The following NUP205 variants were observed in gnomAD, a reference collection of about 807,000 sequenced individuals.
NUP205 encodes nucleoporin 205, also known as nuclear pore complex protein Nup205.
In NUP205, 76 loss-of-function variants were observed where a neutral mutation model predicts 253.8. That is an observed-to-expected ratio of 0.30 (90% CI 0.25 to 0.36). The LOEUF (loss-of-function observed/expected upper bound fraction) is 0.36, where lower values mean the gene tolerates loss of function less well. Among genes scored for constraint, NUP205 ranks in the 10% least tolerant of loss-of-function variants. The probability of loss-of-function intolerance (pLI) is 1.00; values close to 1 mark genes in which losing one functional copy is unlikely to be tolerated. For synonymous variants in NUP205, 832 were observed against 850.1 expected (o/e 0.98, Z 0.37); for missense variants, 2,162 against 2,425.5 (o/e 0.89, Z 2.28).
intron 13 of NUP205, among the ~76,000 whole-genome samples, chr7:135,596,132 C>G (rs113621446): frequency 0.042 from 6,421 of 152,040 alleles, 465 homozygotes; most frequent in African/African-American, 0.15. Flanking sequence ...CGGGGTTTCT[C>G]CATGTTGGTC....
intron 34 of NUP205, among the ~76,000 whole-genome samples, chr7:135,628,734 G>A (rs140840181): frequency 6.6e-6 from 1 of 152,172 alleles, no homozygotes; most frequent in African/African-American, 2.4e-5. Context: ...ACCTTGTATT[G>A]CTTTATTGTA....
intron 35 of NUP205, among the ~76,000 whole-genome samples, chr7:135,630,842 C>T (rs1440554166): frequency 1.3e-5 from 2 of 151,930 alleles, no homozygotes; most frequent in African/African-American, 4.8e-5. Context: ...AGGAGGATTA[C>T]TTGAGTTGGG....
intron 38 of NUP205, among the ~76,000 whole-genome samples, chr7:135,642,951 A>C (rs1380769140): frequency 6.6e-6 from 1 of 151,986 alleles, no homozygotes; most frequent in Non-Finnish European, 1.5e-5. Context: ...GCCAATGTGC[A>C]TCAGTCAGAT....
chr7:135,570,742 T>C lies in NUP205; in HGVS notation c.29-363T>C, dbSNP rs1222200698. 9.6e-5 allele frequency among the ~76,000 whole-genome samples: 9 copies of C among 93,342 alleles called. 1 individual carries two copies. Among genetic ancestry groups the C allele is most frequent in the African/African-American group, 3.5e-4 (8 of 23,020 alleles). The allele number at this position is 93,342 out of a possible 152,430, so 61.2% of individuals were successfully genotyped here. ...TAATTATATTTATATATTATATTAA[T>C]ATATTAATTATATTTATATATTATA... On this transcript the variant is annotated intron_variant, in intron 1 of 42. Transcript: ENST00000285968.
chr7:135,594,030 G>T (rs1793760471), intron 12 of NUP205, among the ~76,000 whole-genome samples: 1 of 152,034 alleles, frequency 6.6e-6, no homozygotes, highest in Non-Finnish European at 1.5e-5. Flanking sequence ...TAATTACCCT[G>T]ATTTGATCAT....
chr7:135,607,481 A>C, intron 22 of NUP205, 110 bp downstream of exon 22: 2 of 1,186,800 alleles, frequency 1.7e-6, no homozygotes, highest in Non-Finnish European at 2.3e-6. Context: ...AAATGAGTTC[A>C]TTTAGCAATT....
chr7:135,570,375 C>T lies in NUP205; in HGVS notation c.29-730C>T, dbSNP rs188679295. Among the ~76,000 whole-genome samples, 417 of 151,494 alleles carry T rather than the reference C, an allele frequency of 2.8e-3. 4 individuals carry two copies. Among genetic ancestry groups the T allele is most frequent in the Non-Finnish European group, 4.7e-3 (317 of 67,878 alleles). On this transcript the variant is annotated intron_variant, in intron 1 of 42. Transcript: ENST00000285968. ...GACTACATGTGCGCACCACCACACC[C>T]GGCTAATTTTTGTATTTTTAGTAGA...
chr7:135,600,821 C>A, intron 15 of NUP205, 49 bp from the exon 16 acceptor site: 1 of 1,106,074 alleles, frequency 9.0e-7, no homozygotes, highest in South Asian at 1.5e-5. Context: ...TGCAAGGCCA[C>A]CACCTTGGTC....
At chr7:135,563,856 G>A (rs1006944371) in intron 1 of NUP205, among the ~76,000 whole-genome samples, 3 of 151,914 alleles carry the variant, frequency 2.0e-5, no homozygotes, top group Non-Finnish European at 4.4e-5. Context: ...CTGGTGGTGC[G>A]CGTGCGCCTG....
intron 19 of NUP205, among the ~76,000 whole-genome samples, chr7:135,604,991 T>G (rs987494645): frequency 1.3e-5 from 2 of 152,184 alleles, no homozygotes; most frequent in African/African-American, 2.4e-5. Context: ...TTTTTTTTTC[T>G]TTATGAACAT....
chr7:135,561,360 AAAAC>A (rs1457184966), intron 1 of NUP205, among the ~76,000 whole-genome samples: 3 of 152,124 alleles, frequency 2.0e-5, no homozygotes, highest in African/African-American at 2.4e-5. Flanking sequence ...AAACAAACAA[AAAAC>A]AAACAAAAAA....
At chr7:135,564,572 G>T (rs1805694195) in intron 1 of NUP205, among the ~76,000 whole-genome samples, 1 of 151,104 alleles carries the variant, frequency 6.6e-6, no homozygotes, top group Non-Finnish European at 1.5e-5. Context: ...ATAGAGACAG[G>T]GTTTTGCCAT....
intron 7 of NUP205, among the ~76,000 whole-genome samples, chr7:135,579,621 ATT>A (rs1002019141): frequency 6.6e-6 from 1 of 152,146 alleles, no homozygotes; most frequent in Non-Finnish European, 1.5e-5. Context: ...CATACAGTGT[ATT>A]AAAAAGGAGA....
At chr7:135,601,595 A>C in intron 17 of NUP205, 88 bp downstream of exon 17, 1 of 1,398,084 alleles carries the variant, frequency 7.2e-7, no homozygotes, top group East Asian at 2.3e-5. Flanking sequence ...ATGATCTCTG[A>C]AGTCATTTTT....
intron 36 of NUP205, among the ~76,000 whole-genome samples, chr7:135,637,723 C>T (rs1794835840): frequency 6.6e-6 from 1 of 152,058 alleles, no homozygotes; most frequent in Non-Finnish European, 1.5e-5. Context: ...AAAAAGGGTA[C>T]TCTTTTCATC....
At chr7:135,623,068 A>G in intron 31 of NUP205, 143 bp downstream of exon 31, 1 of 736,988 alleles carries the variant, frequency 1.4e-6, no homozygotes, top group South Asian at 2.1e-5. Flanking sequence ...TCTTGAGTAT[A>G]GGAGTTTGAG....
In NUP205 at chr7:135,561,900, G is replaced by GTTCCTTCCTTCCTTCCCTCCTTCC. The variant is rs1048560998; in HGVS notation, c.28+3949_28+3972dup. Among the ~76,000 whole-genome samples, 8 of 140,836 alleles carry GTTCCTTCCTTCCTTCCCTCCTTCC rather than the reference G, an allele frequency of 5.7e-5. No individual in the cohort carries two copies. In the South Asian group the frequency reaches 1.8e-3, roughly 31 times the overall value. 92.4% of individuals were successfully genotyped at this position (140,836 alleles called of 152,430 possible). A position where few individuals can be genotyped will look rare whatever the true frequency, so the allele number is the denominator to read the frequency against. On this transcript the variant is annotated intron_variant, in intron 1 of 42. Transcript: ENST00000285968. ...TGGACTCCATCTCCTTCCTTCCTTT[G>GTTCCTTCCTTCCTTCCCTCCTTCC]TTCCTTCCTTCCTTCCCTCCTTCCT...
Position 135,600,940 on chromosome 7 carries a change from A to G in NUP205, c.2345A>G (p.Asp782Gly), listed in dbSNP as rs763766433. 1.7e-5 allele frequency: 27 copies of G among 1,610,214 alleles called. No homozygotes were observed. The highest frequency in any genetic ancestry group is 1.6e-4 in the Middle Eastern group (1 of 6,076). Residue 782 changes from aspartate (D) to glycine (G), a missense_variant, in exon 16 of 43, where the codon GAT becomes GGT. Around this residue, in one of 5 missense-constraint regions of NUP205, gnomAD observed 892 missense variants for 957.1 expected, o/e 0.93. Coordinates refer to ENST00000285968, the MANE Select transcript of NUP205 (RefSeq NM_015135.3). The part of the protein sequence containing the change: ...LLRDYEPQLE[D>G]FVDQFVELQG... ...AGAGATTATGAGCCTCAGCTTGAAG[A>G]TTTTGTAGACCAGTTTGTGGAACTA...
In NUP205 at chr7:135,645,471, T is replaced by A; in HGVS notation, c.5687T>A (p.Ile1896Asn). The A allele has an allele frequency of 6.2e-7, 1 of 1,613,506 alleles. No homozygotes were observed. The highest frequency in any genetic ancestry group is 8.5e-7 in the Non-Finnish European group (1 of 1,179,744). ...RAKLLSLCSF[I>N]IETCLFILWR... ...TTTAATCTGAGCTCTGGTATAGTTA[T>A]CATAGAGACCTGCCTATTTATTCTT... The change falls in exon 41 of 43, where the codon ATC becomes AAC. Residue 1896 changes from isoleucine (I) to asparagine (N), a missense_variant. Physicochemically the swap from Ile to Asn is moderately radical, Grantham distance 149. This residue lies in a region of NUP205 where 1,144 missense variants were observed against 1,280.9 expected (regional missense o/e 0.89). Transcript: ENST00000285968.
Sources: gnomAD v4.1 joint callset for allele counts (sites outside exome capture counted in the v4.1 genomes callset) on GRCh38, gnomAD v4.1.1 for gene constraint, gnomAD v4.1.1 regional missense constraint, MANE v1.5 for transcripts, NCBI Gene and HGNC (gene_info 2026-07-23, HGNC 2026-07-21) for gene names.